The following TCF4 variants were observed in gnomAD, a reference collection of about 807,000 sequenced individuals.
TCF4 encodes transcription factor 4, also known as SL3-3 enhancer factor 2.
Under a neutral mutation model 82.1 loss-of-function variants are expected in TCF4, and 3 were observed. The ratio of observed to expected loss-of-function variants is 0.04; its 90% CI spans 0.02 to 0.09. TCF4 has a LOEUF of 0.09. TCF4 is among the 10% of genes least tolerant of loss of function. TCF4 has a pLI of 1.00. For missense variants in TCF4, 518 were observed against 852.7 expected (o/e 0.61, Z 4.89); for synonymous variants, 276 against 309.6 (o/e 0.89, Z 1.14).
chr18:55,388,977 T>A (rs1314306417), intron 6 of TCF4, among the ~76,000 whole-genome samples: 1 of 151,546 alleles, frequency 6.6e-6, no homozygotes, highest in Non-Finnish European at 1.5e-5. Context: ...CAAAAAAAAA[T>A]TAGCCGGGCA....
At chr18:55,537,027 G>A (rs2097122781) in intron 3 of TCF4, among the ~76,000 whole-genome samples, 1 of 151,752 alleles carries the variant, frequency 6.6e-6, no homozygotes, top group African/African-American at 2.4e-5. Context: ...CCAGCTACTG[G>A]AGAGGCTGAG....
chr18:55,296,400 G>C (rs934533225), intron 8 of TCF4, among the ~76,000 whole-genome samples: 1 of 152,194 alleles, frequency 6.6e-6, no homozygotes, highest in Non-Finnish European at 1.5e-5. Context: ...TGAGTGCAAT[G>C]TGGGAAAGAG....
chr18:55,437,471 A>T (rs1399887593), intron 5 of TCF4, among the ~76,000 whole-genome samples: 2 of 152,234 alleles, frequency 1.3e-5, no homozygotes, highest in Non-Finnish European at 2.9e-5. Flanking sequence ...TGATCTAAAA[A>T]TTATTAATTT....
intron 3 of TCF4, among the ~76,000 whole-genome samples, chr18:55,516,846 A>G (rs1346194168): frequency 6.6e-6 from 1 of 152,206 alleles, no homozygotes. Flanking sequence ...GGGAAGCCAC[A>G]TACCATTTTA....
chr18:55,432,523 A>T (rs1284130561), intron 5 of TCF4, among the ~76,000 whole-genome samples: 1 of 152,024 alleles, frequency 6.6e-6, no homozygotes, highest in Non-Finnish European at 1.5e-5. Context: ...AGAAAGGGAG[A>T]CTGGGGAGTT....
chr18:55,577,455 A>G (rs965814800), intron 3 of TCF4, among the ~76,000 whole-genome samples: 4 of 151,936 alleles, frequency 2.6e-5, no homozygotes, highest in Non-Finnish European at 4.4e-5. Context: ...TTTTCTAACC[A>G]TAATCATTAT....
intron 6 of TCF4, among the ~76,000 whole-genome samples, chr18:55,380,762 T>C (rs1245365642): frequency 1.3e-5 from 2 of 152,170 alleles, no homozygotes; most frequent in African/African-American, 4.8e-5. Flanking sequence ...CTACCAATGG[T>C]TTAACAAACA....
intron 6 of TCF4, among the ~76,000 whole-genome samples, chr18:55,391,494 G>A (rs550104149): frequency 4.6e-5 from 7 of 151,874 alleles, no homozygotes; most frequent in South Asian, 2.1e-4. Flanking sequence ...CCTCCATTCC[G>A]TGAAACCTGG....
intron 6 of TCF4, among the ~76,000 whole-genome samples, chr18:55,366,011 T>C (rs1304587622): frequency 9.5e-6 from 1 of 105,340 alleles, no homozygotes; most frequent in Non-Finnish European, 2.0e-5. Context: ...GATATAGATA[T>C]AGATATAGAT....
At chr18:55,399,869 C>T (rs1306820431) in intron 6 of TCF4, among the ~76,000 whole-genome samples, 1 of 131,726 alleles carries the variant, frequency 7.6e-6, no homozygotes, top group Non-Finnish European at 1.6e-5. Flanking sequence ...CTCTCTCTCT[C>T]TCTCTCTCTC....
intron 5 of TCF4, among the ~76,000 whole-genome samples, chr18:55,457,910 C>A (rs1257450888): frequency 6.6e-6 from 1 of 152,096 alleles, no homozygotes; most frequent in Non-Finnish European, 1.5e-5. Context: ...AATATACTAG[C>A]AATGCCTGTT....
chr18:55,620,887 T>C (rs1295493102), intron 2 of TCF4, among the ~76,000 whole-genome samples: 5 of 152,022 alleles, frequency 3.3e-5, no homozygotes, highest in Non-Finnish European at 7.4e-5. Flanking sequence ...TCTTTCCTTC[T>C]TGCAACAAAC....
intron 5 of TCF4, among the ~76,000 whole-genome samples, chr18:55,431,569 C>G (rs1252074856): frequency 6.6e-6 from 1 of 152,146 alleles, no homozygotes; most frequent in Non-Finnish European, 1.5e-5. Flanking sequence ...TGTGAACCAC[C>G]GTGGCCGGCC....
chr18:55,274,091 C>T (rs1473982948), intron 10 of TCF4, among the ~76,000 whole-genome samples: 2 of 152,114 alleles, frequency 1.3e-5, no homozygotes, highest in Non-Finnish European at 2.9e-5. Flanking sequence ...ACTTTCCTTG[C>T]TCATAGGACA....
chr18:55,398,968 C>CTGAA (rs1456403181), intron 6 of TCF4, among the ~76,000 whole-genome samples: 2 of 152,296 alleles, frequency 1.3e-5, no homozygotes, highest in East Asian at 3.9e-4. Context: ...GATGGATGTG[C>CTGAA]TGAACACTCA....
intron 5 of TCF4, chr18:55,422,616 T>C (rs182487972): frequency 6.1e-4 from 205 of 333,864 alleles, no homozygotes; most frequent in African/African-American, 4.5e-3. Flanking sequence ...CTGGTGCTTT[T>C]AGTGTGTGTG....
upstream of TCF4, chr18:55,591,077 G>GT (rs2097684609): frequency 6.6e-6 from 1 of 152,194 alleles, no homozygotes; most frequent in Admixed American, 6.5e-5. Flanking sequence ...GTTTGTGGCA[G>GT]TAACAGAGTT....
At chr18:55,598,504 T>C (rs1476104665) in intron 2 of TCF4, among the ~76,000 whole-genome samples, 2 of 152,194 alleles carry the variant, frequency 1.3e-5, no homozygotes, top group African/African-American at 4.8e-5. Flanking sequence ...ACCATTAGGA[T>C]GATCACATGG....
chr18:55,603,522 G>T (rs1374138682), intron 2 of TCF4, among the ~76,000 whole-genome samples: 2 of 152,114 alleles, frequency 1.3e-5, no homozygotes, highest in Admixed American at 6.6e-5. Context: ...GATATGATCT[G>T]AAATATAGAA....
Sources: gnomAD v4.1 joint callset for allele counts (sites outside exome capture counted in the v4.1 genomes callset) on GRCh38, gnomAD v4.1.1 for gene constraint, MANE v1.5 for transcripts, NCBI Gene and HGNC (gene_info 2026-07-23, HGNC 2026-07-21) for gene names.